The following SLC25A35 variants were observed in gnomAD, a reference collection of about 807,000 sequenced individuals.
The protein encoded by SLC25A35 is solute carrier family 25, member 35.
Under a neutral mutation model 30.5 loss-of-function variants are expected in SLC25A35, and 32 were observed. The ratio of observed to expected loss-of-function variants is 1.05; its 90% CI spans 0.79 to 1.41. The LOEUF is 1.41. Among genes scored for constraint, SLC25A35 ranks in the 40% most tolerant of loss-of-function variants. SLC25A35 has a pLI of 0.00. For missense variants in SLC25A35, 369 were observed against 388.0 expected (o/e 0.95, Z 0.41); for synonymous variants, 142 against 158.1 (o/e 0.90, Z 0.77).
downstream of SLC25A35, chr17:8,288,811 C>A: frequency 6.2e-7 from 1 of 1,614,162 alleles, no homozygotes; most frequent in Non-Finnish European, 8.5e-7. Context: ...AGAGACTGCC[C>A]GCTGTTCGGG....
At chr17:8,290,737 AGGG>A (rs1990426931) in intron 4 of SLC25A35, 59 bp from the exon 5 acceptor site, 1 of 1,602,530 alleles carries the variant, frequency 6.2e-7, no homozygotes, top group South Asian at 1.1e-5. Flanking sequence ...AGAGCCCACC[AGGG>A]GCAGCACCTC....
At chr17:8,288,620 C>A (rs111476121), downstream of SLC25A35, 8 of 775,330 alleles carry the variant, frequency 1.0e-5, no homozygotes, top group Non-Finnish European at 8.7e-6. Flanking sequence ...AGGGTCTTGG[C>A]GCCGATTGGC....
At position 8,290,421 on chromosome 17, in the gene SLC25A35, C is replaced by A; in HGVS notation, c.*84G>T. The A allele has an allele frequency of 6.7e-7, 1 of 1,491,360 alleles. No homozygotes were observed. The highest frequency in any genetic ancestry group is 8.9e-7 in the Non-Finnish European group (1 of 1,122,976). The allele number at this position is 1,491,360 out of a possible 1,614,324, so 92.4% of individuals were successfully genotyped here. A position where few individuals can be genotyped will look rare whatever the true frequency, so the allele number is the denominator to read the frequency against. On this transcript the variant is annotated 3_prime_UTR_variant, in exon 5 of 5. Transcript: ENST00000577745. Reference sequence around the variant, plus strand: ...TCCCCCATGGATGGATGAAAGGTCACCTAATCAGTAGTCACCAGGACATAG... The same window carrying A: ...TCCCCCATGGATGGATGAAAGGTCAACTAATCAGTAGTCACCAGGACATAG...
chr17:8,294,150 C>T (rs943902752), intron 1 of SLC25A35, among the ~76,000 whole-genome samples: 4 of 151,980 alleles, frequency 2.6e-5, no homozygotes, highest in African/African-American at 9.7e-5. Flanking sequence ...CTCCTGACCT[C>T]GTGATCCGCC....
chr17:8,290,720 G>T, intron 4 of SLC25A35, 42 bp from the exon 5 acceptor site: 1 of 1,601,554 alleles, frequency 6.2e-7, no homozygotes. Flanking sequence ...CAGAGAAGGA[G>T]TTTGTCAGAG....
intron 1 of SLC25A35, among the ~76,000 whole-genome samples, chr17:8,294,062 C>T (rs1990694912): frequency 6.7e-6 from 1 of 149,872 alleles, no homozygotes; most frequent in Non-Finnish European, 1.5e-5. Flanking sequence ...ACTACAGGCG[C>T]CCACCACCGC....
chr17:8,295,368 C>T lies in SLC25A35; in HGVS notation c.-561G>A, dbSNP rs1861956. 0.36 allele frequency: 355,090 copies of T among 985,354 alleles called. 64,576 individuals carry two copies. The highest frequency in any genetic ancestry group is 0.37 in the Non-Finnish European group (310,126 of 829,988). The allele number at this position is 985,354 out of a possible 1,614,324, so 61.0% of individuals were successfully genotyped here. On this transcript the variant is annotated 5_prime_UTR_variant, in exon 1 of 5. Transcript: ENST00000577745. ...CGCAGTAGCTTCAACCCCGGGTAGC[C>T]TGCGGAGGCCGGGCCGCCACACTCC...
chr17:8,289,278 G>A (rs1184227438), downstream of SLC25A35: 2 of 1,613,884 alleles, frequency 1.2e-6, no homozygotes, highest in Non-Finnish European at 1.7e-6. Flanking sequence ...GAGGATGTTG[G>A]TGGCGTGCAG....
chr17:8,289,411 G>GC, downstream of SLC25A35: 1 of 1,614,048 alleles, frequency 6.2e-7, no homozygotes. Context: ...AGGAAAACCA[G>GC]CAGGTGAGGG....
downstream of SLC25A35, chr17:8,288,460 T>C (rs1302830298): frequency 2.3e-6 from 1 of 426,376 alleles, no homozygotes; most frequent in Non-Finnish European, 4.4e-6. Flanking sequence ...AATCAATCAA[T>C]CAAGAGGAGG....
downstream of SLC25A35, chr17:8,288,936 T>C (rs750059989): frequency 3.7e-5 from 60 of 1,613,828 alleles, no homozygotes; most frequent in Middle Eastern, 1.6e-4. Flanking sequence ...TCAACCAGGG[T>C]CTGCCTCGCC....
chr17:8,288,393 ATC>A, downstream of SLC25A35: 1 of 306,100 alleles, frequency 3.3e-6, no homozygotes, highest in Middle Eastern at 1.1e-3. Context: ...GTGAGCGGTG[ATC>A]GCGCCACTGC....
chr17:8,288,656 A>G, downstream of SLC25A35: 3 of 1,070,724 alleles, frequency 2.8e-6, no homozygotes, highest in South Asian at 3.8e-5. Flanking sequence ...GCGGAGCCAA[A>G]TCTTAAAGGA....
At chr17:8,289,242 C>A (rs1452841852), downstream of SLC25A35, 4 of 1,612,740 alleles carry the variant, frequency 2.5e-6, no homozygotes, top group Non-Finnish European at 3.4e-6. Context: ...TTCCTGACCC[C>A]GCTTCCCTAC....
chr17:8,290,719 A>C (rs1415213973), intron 4 of SLC25A35, 41 bp from the exon 5 acceptor site: 5 of 1,601,270 alleles, frequency 3.1e-6, no homozygotes, highest in Non-Finnish European at 4.3e-6. Context: ...ACAGAGAAGG[A>C]GTTTGTCAGA....
chr17:8,293,434 G>A (rs190331029), intron 1 of SLC25A35, among the ~76,000 whole-genome samples: 116 of 152,214 alleles, frequency 7.6e-4, no homozygotes, highest in African/African-American at 2.6e-3. Context: ...ATGCTTTCAT[G>A]TCTACCGCAT....
chr17:8,291,000 GTT>G (rs774805351), intron 3 of SLC25A35, 24 bp from the exon 4 acceptor site: 2 of 1,612,554 alleles, frequency 1.2e-6, no homozygotes, highest in African/African-American at 2.7e-5. Context: ...GAGGAAGAGC[GTT>G]GTCAACCAGC....
chr17:8,295,091 CAGA>C lies in SLC25A35; in HGVS notation c.-287_-285del, dbSNP rs1990771919. On this transcript the variant is annotated 5_prime_UTR_variant, in exon 1 of 5. Transcript: ENST00000577745. ...TCTGAGGTCAAGGAGGGGCAAAAGA[CAGA>C]AGGTTGCAGGTGGGATGGCTCAGGA... 8.6e-7 allele frequency: 1 copy of C among 1,168,258 alleles called. No homozygotes were observed. Among genetic ancestry groups the C allele is most frequent in the African/African-American group, 1.6e-5 (1 of 62,882 alleles). The allele number at this position is 1,168,258 out of a possible 1,614,324, so 72.4% of individuals were successfully genotyped here. A position where few individuals can be genotyped will look rare whatever the true frequency, so the allele number is the denominator to read the frequency against.
intron 3 of SLC25A35, 132 bp downstream of exon 3, chr17:8,291,201 G>C: frequency 1.4e-6 from 2 of 1,401,036 alleles, no homozygotes; most frequent in Non-Finnish European, 2.0e-6. Context: ...AGGGTCTAAA[G>C]AGTTGACCTC....
Sources: gnomAD v4.1 joint callset for allele counts (sites outside exome capture counted in the v4.1 genomes callset) on GRCh38, gnomAD v4.1.1 for gene constraint, MANE v1.5 for transcripts, NCBI Gene and HGNC (gene_info 2026-07-23, HGNC 2026-07-21) for gene names.